The following CYP2J2 variants were observed in gnomAD, a reference collection of about 807,000 sequenced individuals.
CYP2J2 encodes the protein cytochrome P450 2J2.
CYP2J2 carries 41 observed loss-of-function variants against 48.8 expected under a neutral mutation model. The observed-to-expected ratio is 0.84, with a 90% CI of 0.66 to 1.09. The LOEUF is 1.09. Among genes scored for constraint, CYP2J2 ranks in the 50% least tolerant of loss-of-function variants. The pLI, the probability that CYP2J2 is intolerant of heterozygous loss-of-function variation, is 0.00. For missense variants in CYP2J2, 644 were observed against 617.3 expected, an observed-to-expected ratio of 1.04 and a Z score of -0.46; for synonymous variants, 221 against 227.1, an observed-to-expected ratio of 0.97 and a Z score of 0.24.
the CYP2J2 span, among the ~76,000 whole-genome samples, chr1:59,950,227 A>G: frequency 6.6e-6 from 1 of 152,184 alleles, no homozygotes; most frequent in Non-Finnish European, 1.5e-5. Context: ...TTTGGTAGGT[A>G]TGACGGAAGG....
chr1:59,956,185 G>A, the CYP2J2 span, among the ~76,000 whole-genome samples: 80 of 152,146 alleles, frequency 5.3e-4, no homozygotes, highest in African/African-American at 1.9e-3. Flanking sequence ...GTGAAAATGG[G>A]TAAAGAGTAT....
At chr1:59,956,158 C>A in the CYP2J2 span, among the ~76,000 whole-genome samples, 1 of 151,918 alleles carries the variant, frequency 6.6e-6, no homozygotes, top group Non-Finnish European at 1.5e-5. Context: ...GCAAATAGAT[C>A]AAAATGTTAA....
the CYP2J2 span, among the ~76,000 whole-genome samples, chr1:59,951,249 T>TG: frequency 2.6e-5 from 4 of 152,212 alleles, no homozygotes; most frequent in African/African-American, 9.6e-5. Context: ...TACATTCTGT[T>TG]GCTTTACAAC....
the CYP2J2 span, among the ~76,000 whole-genome samples, chr1:59,948,458 G>C: frequency 6.6e-6 from 1 of 151,924 alleles, no homozygotes; most frequent in Non-Finnish European, 1.5e-5. Context: ...TCATATAACT[G>C]TACTACTATG....
chr1:59,944,856 A>G, the CYP2J2 span, among the ~76,000 whole-genome samples: 1 of 152,028 alleles, frequency 6.6e-6, no homozygotes, highest in Non-Finnish European at 1.5e-5. Flanking sequence ...AGCCATTTGC[A>G]TTTATTTTTT....
intron 5 of CYP2J2, among the ~76,000 whole-genome samples, chr1:59,908,391 A>T (rs747290076): frequency 3.9e-5 from 6 of 152,226 alleles, no homozygotes; most frequent in Non-Finnish European, 7.3e-5. Flanking sequence ...CAGAGCAAAT[A>T]CTCAACAAAC....
chr1:59,918,608 C>T (rs1644486633), intron 1 of CYP2J2, among the ~76,000 whole-genome samples: 2 of 151,606 alleles, frequency 1.3e-5, no homozygotes, highest in South Asian at 4.2e-4. Context: ...ACCCAGAGGG[C>T]CTCTGAGAAG....
intron 7 of CYP2J2, among the ~76,000 whole-genome samples, chr1:59,901,589 A>C (rs762474311): frequency 6.6e-6 from 1 of 152,128 alleles, no homozygotes; most frequent in Non-Finnish European, 1.5e-5. Flanking sequence ...TCCCCATGGT[A>C]GGTTTAGTAA....
At chr1:59,927,083 G>A (rs1301263837), upstream of CYP2J2, among the ~76,000 whole-genome samples, 1 of 152,042 alleles carries the variant, frequency 6.6e-6, no homozygotes, top group African/African-American at 2.4e-5. Context: ...AACATTTCTT[G>A]GGCTCTTACT....
chr1:59,920,542 G>T (rs1428809421), intron 1 of CYP2J2, among the ~76,000 whole-genome samples: 1 of 152,160 alleles, frequency 6.6e-6, no homozygotes, highest in Non-Finnish European at 1.5e-5. Flanking sequence ...GTTGAGGAAG[G>T]CTCCTGGGAA....
intron 1 of CYP2J2, 58 bp downstream of exon 1, chr1:59,926,479 T>C (rs779020601): frequency 1.4e-6 from 2 of 1,476,452 alleles, no homozygotes; most frequent in Non-Finnish European, 1.9e-6. Flanking sequence ...GGAACGTCCC[T>C]TGTGCTGCAG....
At chr1:59,958,371 G>A in the CYP2J2 span, among the ~76,000 whole-genome samples, 2 of 152,076 alleles carry the variant, frequency 1.3e-5, no homozygotes, top group East Asian at 1.9e-4. Context: ...TTGTCCAAAG[G>A]AGGGCTTCAA....
At chr1:59,939,219 C>T in the CYP2J2 span, among the ~76,000 whole-genome samples, 6 of 152,108 alleles carry the variant, frequency 3.9e-5, no homozygotes, top group Non-Finnish European at 7.4e-5. Flanking sequence ...TGTTTGTATC[C>T]GTTCTTCCTG....
At chr1:59,960,611 G>C in the CYP2J2 span, among the ~76,000 whole-genome samples, 1 of 152,212 alleles carries the variant, frequency 6.6e-6, no homozygotes, top group African/African-American at 2.4e-5. Context: ...TTTAGGCGGA[G>C]GCGGGTGGAT....
At chr1:59,938,048 C>A in the CYP2J2 span, among the ~76,000 whole-genome samples, 2 of 152,062 alleles carry the variant, frequency 1.3e-5, no homozygotes, top group African/African-American at 4.8e-5. Flanking sequence ...TGTCACATAT[C>A]TTCATTTCTC....
At chr1:59,945,924 C>T in the CYP2J2 span, among the ~76,000 whole-genome samples, 2 of 152,198 alleles carry the variant, frequency 1.3e-5, no homozygotes, top group Non-Finnish European at 2.9e-5. Context: ...TTTTCACTGC[C>T]TCCACTGCTA....
rs1644395988 is a variant in CYP2J2 at position 59,909,812 on chromosome 1, A to G, written c.833T>C (p.Ile278Thr). The G allele has an allele frequency of 1.9e-6, 3 of 1,596,922 alleles. No individual in the cohort carries two copies. The highest frequency in any genetic ancestry group is 2.6e-6 in the Non-Finnish European group (3 of 1,175,462). Residue 278 changes from isoleucine to threonine, a missense_variant, in exon 5 of 9, where the codon ATT becomes ACT. Ile to Thr is a moderately conservative substitution (Grantham distance 89, BLOSUM62 -1). Coordinates refer to ENST00000371204, the MANE Select transcript of CYP2J2 (RefSeq NM_000775.4). Reference sequence around the variant, plus strand: ...TGACATTTCTTTAAGGTAAGCATCAATAAAGTCTCTTGTTTCTGCAGGATT... The same window carrying G: ...TGACATTTCTTTAAGGTAAGCATCAGTAAAGTCTCTTGTTTCTGCAGGATT... ...DWNPAETRDF[I>T]DAYLKEMSKH...
chr1:59,965,803 C>G, the CYP2J2 span, among the ~76,000 whole-genome samples: 1 of 152,154 alleles, frequency 6.6e-6, no homozygotes, highest in Non-Finnish European at 1.5e-5. Flanking sequence ...AGGCACCCCC[C>G]ACCGTGCCCA....
intron 2 of CYP2J2, among the ~76,000 whole-genome samples, chr1:59,914,328 A>T (rs1184539201): frequency 6.6e-6 from 1 of 152,234 alleles, no homozygotes; most frequent in Non-Finnish European, 1.5e-5. Context: ...AATATTTCTA[A>T]GAATTGAAAA....
Sources: gnomAD v4.1 joint callset for allele counts (sites outside exome capture counted in the v4.1 genomes callset) on GRCh38, gnomAD v4.1.1 for gene constraint, MANE v1.5 for transcripts, NCBI Gene and HGNC (gene_info 2026-07-23, HGNC 2026-07-21) for gene names.